Variants in GPHN observed in about 807,000 individuals in gnomAD.
GPHN encodes the protein gephyrin.
In GPHN, 17 loss-of-function variants were observed where a neutral mutation model predicts 95.5. That is an observed-to-expected ratio of 0.18 (90% confidence interval 0.12 to 0.27). GPHN has a LOEUF of 0.27. Ranked by LOEUF, GPHN falls within the 10% of genes least tolerant of loss-of-function variation. The pLI, the probability that GPHN is intolerant of heterozygous loss-of-function variation, is 1.00. For synonymous variants in GPHN, 320 were observed against 322.5 expected (o/e 0.99, Z 0.08); for missense variants, 660 against 978.1 (o/e 0.67, Z 4.34).
chr14:67,381,808 C>A, the GPHN span: 1 of 659,434 alleles, frequency 1.5e-6, no homozygotes, highest in African/African-American at 1.8e-5. Flanking sequence ...GGGTTTTTTA[C>A]TCTTAAAATT....
At chr14:67,094,680 A>G (rs938270794) in intron 12 of GPHN, among the ~76,000 whole-genome samples, 9 of 152,172 alleles carry the variant, frequency 5.9e-5, no homozygotes, top group Admixed American at 3.3e-4. Flanking sequence ...TCTTTCATAG[A>G]TATTTTTAAA....
At chr14:67,246,705 CAGTGGCACG>C in the GPHN span, among the ~76,000 whole-genome samples, 1 of 136,026 alleles carries the variant, frequency 7.4e-6, no homozygotes. Context: ...GGCTGGAGTG[CAGTGGCACG>C]ATATCAGCTC....
At chr14:67,633,269 CT>C in the GPHN span, among the ~76,000 whole-genome samples, 14 of 151,340 alleles carry the variant, frequency 9.3e-5, no homozygotes, top group East Asian at 1.9e-4. Flanking sequence ...TAGGTTCTCT[CT>C]TTTTTTTTCT....
the GPHN span, among the ~76,000 whole-genome samples, chr14:67,353,318 C>T: frequency 2.2e-4 from 34 of 152,138 alleles, no homozygotes; most frequent in African/African-American, 6.0e-4. Flanking sequence ...AATGGATTAA[C>T]GTCATTATGG....
chr14:66,876,232 TGGGACACA>T (rs2063656752), intron 4 of GPHN, among the ~76,000 whole-genome samples: 1 of 152,190 alleles, frequency 6.6e-6, no homozygotes, highest in Non-Finnish European at 1.5e-5. Flanking sequence ...CCAGAATCTC[TGGGACACA>T]GCTAAAGCAC....
the GPHN span, among the ~76,000 whole-genome samples, chr14:67,453,213 G>A: frequency 3.9e-5 from 6 of 152,182 alleles, no homozygotes; most frequent in Non-Finnish European, 7.3e-5. Context: ...TTATCCCCCG[G>A]GGGGTCAGCT....
chr14:66,580,518 A>G (rs1421280656), intron 1 of GPHN, among the ~76,000 whole-genome samples: 1 of 151,846 alleles, frequency 6.6e-6, no homozygotes, highest in East Asian at 1.9e-4. Context: ...ATTACATCTT[A>G]TATCACTGGA....
At chr14:67,722,376 G>C in the GPHN span, 4 of 560,126 alleles carry the variant, frequency 7.1e-6, no homozygotes, top group Non-Finnish European at 1.3e-5. Context: ...CTCTTTGCCA[G>C]TAAACCTAAG....
chr14:67,624,410 GA>G, the GPHN span, among the ~76,000 whole-genome samples: 1 of 152,200 alleles, frequency 6.6e-6, no homozygotes, highest in Non-Finnish European at 1.5e-5. Flanking sequence ...AATTTAAAAA[GA>G]AAAGAGGTTT....
At chr14:67,240,642 C>A in the GPHN span, among the ~76,000 whole-genome samples, 3 of 152,350 alleles carry the variant, frequency 2.0e-5, no homozygotes, top group East Asian at 5.8e-4. Flanking sequence ...CTCCTTAGAA[C>A]GTCCTCCAAT....
chr14:67,179,587 G>C lies in GPHN; in HGVS notation c.2089G>C (p.Asp697His). 1.9e-6 allele frequency: 3 copies of C among 1,584,230 alleles called. No homozygotes were observed. The highest frequency in any genetic ancestry group is 2.6e-6 in the Non-Finnish European group (3 of 1,152,948). ...PTIIKARLSC[D>H]VKLDPRPEYH... ...CTACTTTATTCTGTAGTTATCATGT[G>C]ATGTAAAACTTGATCCTCGTCCAGA... Residue 697 changes from aspartate to histidine, a missense_variant, in exon 22 of 23, where the codon GAT (aspartate) becomes CAT (histidine). By Grantham distance (81) the Asp-to-His change is moderately conservative (BLOSUM62 -1). This residue lies in a region of GPHN where 48 missense variants were observed against 137.4 expected (regional missense o/e 0.35). Coordinates refer to ENST00000478722, the MANE Select transcript of GPHN (RefSeq NM_020806.5).
intron 8 of GPHN, among the ~76,000 whole-genome samples, chr14:66,929,495 G>A (rs2066664270): frequency 1.3e-5 from 2 of 151,960 alleles, no homozygotes; most frequent in Non-Finnish European, 2.9e-5. Context: ...TGGATGCTCT[G>A]GTGTTGGTTG....
chr14:66,615,232 T>C (rs1421394032), intron 1 of GPHN, among the ~76,000 whole-genome samples: 1 of 152,170 alleles, frequency 6.6e-6, no homozygotes, highest in Non-Finnish European at 1.5e-5. Context: ...TACCCAGTGA[T>C]GGGATTGCTG....
the GPHN span, among the ~76,000 whole-genome samples, chr14:67,537,745 G>A: frequency 2.0e-5 from 3 of 152,270 alleles, no homozygotes; most frequent in Admixed American, 1.3e-4. Flanking sequence ...GAGATCCCAG[G>A]TCAAATTTGT....
At chr14:66,841,016 GATATAGA>G (rs1567006732) in intron 4 of GPHN, among the ~76,000 whole-genome samples, 98 of 145,714 alleles carry the variant, frequency 6.7e-4, no homozygotes, top group Non-Finnish European at 1.2e-3. Flanking sequence ...TATAGATATA[GATATAGA>G]TATAGATATA....
chr14:67,008,259 C>A (rs1054465343), intron 9 of GPHN, among the ~76,000 whole-genome samples: 1 of 151,886 alleles, frequency 6.6e-6, no homozygotes, highest in Non-Finnish European at 1.5e-5. Context: ...CAAGACCAGC[C>A]TGACCAACAT....
the GPHN span, among the ~76,000 whole-genome samples, chr14:67,620,384 G>A: frequency 6.6e-6 from 1 of 152,098 alleles, no homozygotes; most frequent in Admixed American, 6.5e-5. Context: ...GGGTAATGGA[G>A]GGGAGAGAAT....
chr14:66,884,299 G>A (rs962346119), intron 5 of GPHN, among the ~76,000 whole-genome samples: 5 of 152,004 alleles, frequency 3.3e-5, no homozygotes, highest in Non-Finnish European at 7.4e-5. Context: ...AAATCTGCCT[G>A]CTATTATTTA....
At chr14:67,524,268 A>G in the GPHN span, among the ~76,000 whole-genome samples, 1 of 152,082 alleles carries the variant, frequency 6.6e-6, no homozygotes, top group Non-Finnish European at 1.5e-5. Context: ...TTTACTGTTT[A>G]CATCCAAACT....
Sources: allele counts gnomAD v4.1 joint callset (sites outside exome capture counted in the v4.1 genomes callset), GRCh38; gene constraint gnomAD v4.1.1; regional missense constraint gnomAD v4.1.1; transcripts MANE v1.5; gene names NCBI Gene and HGNC (gene_info 2026-07-23, HGNC 2026-07-21).